Variants in UGGT1 observed in about 807,000 individuals in gnomAD.
UGGT1 encodes UDP-glucose:glycoprotein glucosyltransferase 1.
In UGGT1, 107 loss-of-function variants were observed where a neutral mutation model predicts 203.9. The ratio of observed to expected loss-of-function variants is 0.52; its 90% CI spans 0.45 to 0.62. The LOEUF (loss-of-function observed/expected upper bound fraction) is 0.62. Among genes scored for constraint, UGGT1 ranks in the 20% least tolerant of loss-of-function variants. UGGT1 has a pLI of 0.00. For synonymous variants in UGGT1, 628 were observed against 653.5 expected (o/e 0.96, Z 0.59); for missense variants, 1,673 against 1,867.2 (o/e 0.90, Z 1.92).
chr2:128,137,818 A>G (rs1331845396), intron 15 of UGGT1, among the ~76,000 whole-genome samples: 1 of 152,208 alleles, frequency 6.6e-6, no homozygotes. Flanking sequence ...GTCCATTGAA[A>G]TGCCTTTGCC....
chr2:128,159,716 T>C lies in UGGT1; in HGVS notation c.2558T>C (p.Val853Ala), dbSNP rs374677691. The change falls in exon 23 of 41, where the codon GTT becomes GCT. Residue 853 changes from valine to alanine, a missense_variant. This residue lies in a region of UGGT1 where 1,073 missense variants were observed against 1,078.7 expected (regional missense o/e 0.99). Coordinates refer to ENST00000259253, the MANE Select transcript of UGGT1 (RefSeq NM_020120.4). ...GGAGCTGACATTGCGGAGTTCTCTG[T>C]TGGGGTAAGGCTCTGAGCCTCTCAT... Reference protein sequence around the residue: ...AAGADIAEFSVGGMDFSLFKE... With the variant: ...AAGADIAEFSAGGMDFSLFKE... The C allele has an allele frequency of 2.9e-5, 46 of 1,613,956 alleles. No individual in the cohort carries two copies. The highest frequency in any genetic ancestry group is 3.6e-5 in the Non-Finnish European group (43 of 1,180,000).
chr2:128,115,119 T>TG lies in UGGT1; in HGVS notation c.697-4dup. 6.2e-7 allele frequency: 1 copy of TG among 1,613,808 alleles called. No homozygotes were observed. On this transcript the variant is annotated splice_region_variant and splice_polypyrimidine_tract_variant and intron_variant, in intron 6 of 40. Coordinates refer to ENST00000259253, the MANE Select transcript of UGGT1 (RefSeq NM_020120.4). ...GTAATGATGGAATTCTTGCTTTACT[T>TG]GCAGAATCCCAGGAAGGAGCCTGTT...
At chr2:128,152,329 G>A (rs954776205) in intron 18 of UGGT1, among the ~76,000 whole-genome samples, 4 of 152,060 alleles carry the variant, frequency 2.6e-5, no homozygotes, top group East Asian at 1.9e-4. Context: ...CACCATGCCC[G>A]GCTACTTTTG....
chr2:128,122,477 T>A (rs532382404), intron 10 of UGGT1, among the ~76,000 whole-genome samples: 1 of 150,720 alleles, frequency 6.6e-6, no homozygotes, highest in East Asian at 2.0e-4. Flanking sequence ...AAGGTTACAG[T>A]GAGCCAAGAT....
chr2:128,132,410 T>C (rs544750045), intron 13 of UGGT1, among the ~76,000 whole-genome samples: 14 of 151,914 alleles, frequency 9.2e-5, no homozygotes, highest in African/African-American at 3.4e-4. Context: ...TCACTGGGCG[T>C]GTTGGTGGGT....
At position 128,182,248 on chromosome 2, in the gene UGGT1, G is replaced by A; in HGVS notation, c.4202G>A (p.Gly1401Glu). Reference sequence around the variant, plus strand: ...GACGGCTACAGGTTCTGGAAGTCAGGGTACTGGGCCAGTCATTTAGCCGGG... The same window carrying A: ...GACGGCTACAGGTTCTGGAAGTCAGAGTACTGGGCCAGTCATTTAGCCGGG... ...EMDGYRFWKSGYWASHLAGRK... is the reference protein window; with the variant it reads ...EMDGYRFWKSEYWASHLAGRK... The change falls in exon 37 of 41, where the codon GGG becomes GAG. Residue 1401 changes from glycine (G) to glutamate (E), a missense_variant. Physicochemically the swap from Gly to Glu is moderately conservative, Grantham distance 98. Coordinates refer to ENST00000259253, the MANE Select transcript of UGGT1 (RefSeq NM_020120.4). 1.9e-6 allele frequency: 3 copies of A among 1,614,016 alleles called. No individual in the cohort carries two copies. Among genetic ancestry groups the A allele is most frequent in the Non-Finnish European group, 1.7e-6 (2 of 1,179,972 alleles).
chr2:128,173,553 A>G (rs544723515), intron 29 of UGGT1, among the ~76,000 whole-genome samples: 12 of 152,272 alleles, frequency 7.9e-5, no homozygotes, highest in South Asian at 2.1e-4. Flanking sequence ...CATTACCCCA[A>G]AAAGTTCTTT....
intron 1 of UGGT1, among the ~76,000 whole-genome samples, chr2:128,094,358 T>C (rs988111925): frequency 1.3e-5 from 2 of 152,240 alleles, no homozygotes; most frequent in Admixed American, 6.5e-5. Flanking sequence ...ATAACGATGA[T>C]GTACTATTCT....
chr2:128,170,262 A>ACC, intron 26 of UGGT1, 26 bp from the exon 27 acceptor site: 1 of 1,604,068 alleles, frequency 6.2e-7, no homozygotes, highest in Non-Finnish European at 8.5e-7. Context: ...CCTCCAGGTT[A>ACC]ATGTTTTATC....
intron 2 of UGGT1, among the ~76,000 whole-genome samples, chr2:128,098,627 A>G (rs925983270): frequency 2.0e-5 from 3 of 151,868 alleles, no homozygotes; most frequent in Admixed American, 6.6e-5. Context: ...GTTCGTGCCT[A>G]TAGTCCCAGC....
intron 17 of UGGT1, among the ~76,000 whole-genome samples, chr2:128,143,865 C>G (rs1191064589): frequency 1.3e-5 from 2 of 151,502 alleles, no homozygotes; most frequent in African/African-American, 4.9e-5. Context: ...TACCCCTATA[C>G]AAAAAGTCCA....
rs974344368 is a variant in UGGT1 at position 128,118,315 on chromosome 2, G to A, written c.872+1972G>A. ...GGGCTTTGCTCTGTCACTCAGACTG[G>A]AGAGCAGTGGCACAATCACGGCTCA... On this transcript the variant is annotated intron_variant, in intron 8 of 40. Coordinates refer to ENST00000259253, the MANE Select transcript of UGGT1 (RefSeq NM_020120.4). 2.0e-5 allele frequency among the ~76,000 whole-genome samples: 3 copies of A among 152,080 alleles called. No homozygotes were observed. The East Asian group carries it at 5.8e-4, about 29-fold the overall frequency.
At chr2:128,173,370 C>A (rs1425469949) in intron 29 of UGGT1, among the ~76,000 whole-genome samples, 1 of 152,196 alleles carries the variant, frequency 6.6e-6, no homozygotes, top group African/African-American at 2.4e-5. Context: ...TACGTGAGTA[C>A]AGGATGTCTT....
chr2:128,145,661 A>T, intron 17 of UGGT1, 142 bp from the exon 18 acceptor site: 4 of 820,608 alleles, frequency 4.9e-6, no homozygotes, highest in Non-Finnish European at 7.0e-6. Flanking sequence ...CATTTTTTTA[A>T]AAAGAAATAT....
chr2:128,183,894 G>T, intron 38 of UGGT1, 105 bp downstream of exon 38: 1 of 765,838 alleles, frequency 1.3e-6, no homozygotes, highest in Non-Finnish European at 2.2e-6. Flanking sequence ...ACAGGATGGC[G>T]TCTTGTTTTT....
intron 8 of UGGT1, among the ~76,000 whole-genome samples, chr2:128,118,995 A>G (rs1412603330): frequency 6.6e-6 from 1 of 152,118 alleles, no homozygotes; most frequent in African/African-American, 2.4e-5. Flanking sequence ...AAGAGTTTGT[A>G]TAGGTTGAGT....
intron 1 of UGGT1, among the ~76,000 whole-genome samples, chr2:128,096,651 C>T (rs999763515): frequency 9.2e-5 from 14 of 152,190 alleles, no homozygotes; most frequent in African/African-American, 1.9e-4. Context: ...TAACTGATGA[C>T]CTCTGTAAAG....
chr2:128,112,599 T>C (rs1310758466), intron 5 of UGGT1, among the ~76,000 whole-genome samples: 1 of 148,996 alleles, frequency 6.7e-6, no homozygotes, highest in African/African-American at 2.5e-5. Flanking sequence ...TTTTTTTTTT[T>C]TGAGACAGGG....
intron 20 of UGGT1, among the ~76,000 whole-genome samples, 188 bp downstream of exon 20, chr2:128,155,775 A>G (rs1442685232): frequency 6.6e-6 from 1 of 152,208 alleles, no homozygotes; most frequent in African/African-American, 2.4e-5. Flanking sequence ...TTGAAAGTAT[A>G]TATTTGTTTA....
Sources: allele counts gnomAD v4.1 joint callset (sites outside exome capture counted in the v4.1 genomes callset), GRCh38; gene constraint gnomAD v4.1.1; regional missense constraint gnomAD v4.1.1; transcripts MANE v1.5; gene names NCBI Gene and HGNC (gene_info 2026-07-23, HGNC 2026-07-21).